The following FAM167A variants were observed in gnomAD, a reference collection of about 807,000 sequenced individuals.
FAM167A encodes family with sequence similarity 167 member A.
In FAM167A, 23 loss-of-function variants were observed where a neutral mutation model predicts 14.9. The ratio of observed to expected loss-of-function variants is 1.55; its 90% confidence interval spans 1.11 to 2.19. The LOEUF is 2.19. Among genes scored for constraint, FAM167A ranks in the 30% most tolerant of loss-of-function variants. FAM167A has a pLI of 0.00. For synonymous variants in FAM167A, 174 were observed against 117.7 expected (o/e 1.48, Z -3.10); for missense variants, 401 against 281.5 (o/e 1.42, Z -3.04).
intron 2 of FAM167A, among the ~76,000 whole-genome samples, chr8:11,441,248 G>A (rs117531540): frequency 0.018 from 2,724 of 152,322 alleles, 34 homozygotes; most frequent in South Asian, 0.061. Context: ...CAGAGCTCCC[G>A]CTTGGGGATC....
chr8:11,450,173 A>T (rs4841538), intron 1 of FAM167A, among the ~76,000 whole-genome samples: 1 of 151,456 alleles, frequency 6.6e-6, no homozygotes, highest in East Asian at 2.0e-4. Flanking sequence ...AAAGCCCTTC[A>T]CTCCCTTCTG....
At chr8:11,455,572 T>TTGTG (rs1807215280) in intron 1 of FAM167A, among the ~76,000 whole-genome samples, 1 of 94,496 alleles carries the variant, frequency 1.1e-5, no homozygotes, top group Non-Finnish European at 2.1e-5. Context: ...TTGCCTTGCT[T>TTGTG]TGAGTTTGAG....
At chr8:11,435,257 C>T (rs1210196826) in intron 2 of FAM167A, among the ~76,000 whole-genome samples, 1 of 152,208 alleles carries the variant, frequency 6.6e-6, no homozygotes, top group African/African-American at 2.4e-5. Flanking sequence ...GCCTTTGTCC[C>T]TCTCCCTGCA....
chr8:11,450,970 G>A (rs368636891), intron 1 of FAM167A, among the ~76,000 whole-genome samples: 1 of 152,214 alleles, frequency 6.6e-6, no homozygotes, highest in African/African-American at 2.4e-5. Flanking sequence ...GGAGTTGGAG[G>A]GGACAGTCTG....
At chr8:11,449,133 G>T (rs1806917026) in intron 1 of FAM167A, among the ~76,000 whole-genome samples, 1 of 152,254 alleles carries the variant, frequency 6.6e-6, no homozygotes. Flanking sequence ...AGACCGCGAG[G>T]AGTTGCTCAA....
At chr8:11,469,492 G>A (rs1055977138), upstream of FAM167A, among the ~76,000 whole-genome samples, 6 of 152,094 alleles carry the variant, frequency 3.9e-5, no homozygotes, top group Non-Finnish European at 5.9e-5. Flanking sequence ...TCCTTACAGA[G>A]AAGTTTTCTT....
At position 11,423,641 on chromosome 8, in the gene FAM167A, T is replaced by G. The variant is rs1279175968; in HGVS notation, c.*732A>C. 2.0e-5 allele frequency: 3 copies of G among 152,268 alleles called. No individual in the cohort carries two copies. Among genetic ancestry groups the G allele is most frequent in the Non-Finnish European group, 2.9e-5 (2 of 68,100 alleles). 9.4% of individuals were successfully genotyped at this position (152,268 alleles called of 1,614,324 possible). On this transcript the variant is annotated 3_prime_UTR_variant, in exon 3 of 3. Coordinates refer to ENST00000284486, the MANE Select transcript of FAM167A (RefSeq NM_053279.3). The stretch of plus-strand genomic sequence containing the variant: ...GGGGTGTGGGTGGCAGTGAAGAGGC[T>G]CTTTGGAGATGCATGTGGCCAGGGG...
intron 2 of FAM167A, chr8:11,434,082 C>G (rs949803987): frequency 2.0e-5 from 3 of 152,196 alleles, no homozygotes; most frequent in Non-Finnish European, 4.4e-5. Flanking sequence ...TGAAGGGCAA[C>G]TGGAGGTTCC....
chr8:11,438,784 G>A lies in FAM167A; in HGVS notation c.381+5247C>T, dbSNP rs145252717. ...GTGCCAGACAGGCTGAAAGCACCGG[G>A]CTATGCAGAGAAGACTTAGCCTTGG... is the stretch of plus-strand genomic sequence containing the variant. On this transcript the variant is annotated intron_variant, in intron 2 of 2. Coordinates refer to ENST00000284486, the MANE Select transcript of FAM167A (RefSeq NM_053279.3). The A allele has an allele frequency of 1.4e-3, 456 of 332,892 alleles. 3 individuals are homozygous for A. The highest frequency in any genetic ancestry group is 9.2e-3 in the African/African-American group (426 of 46,270). 20.6% of individuals were successfully genotyped at this position (332,892 alleles called of 1,614,324 possible).
chr8:11,463,006 G>A (rs1807599159), intron 1 of FAM167A, among the ~76,000 whole-genome samples: 1 of 152,210 alleles, frequency 6.6e-6, no homozygotes, highest in Admixed American at 6.5e-5. Flanking sequence ...GGGAGGTGTG[G>A]TCAGGGCAGC....
rs900066377 is a variant in FAM167A at position 11,421,630 on chromosome 8, T to A, written c.*2743A>T. 5.5e-5 allele frequency: 22 copies of A among 398,686 alleles called. No individual in the cohort carries two copies. The East Asian group carries it at 7.8e-4, about 14-fold the overall frequency. 24.7% of individuals were successfully genotyped at this position (398,686 alleles called of 1,614,324 possible). On this transcript the variant is annotated 3_prime_UTR_variant, in exon 3 of 3. Transcript: ENST00000284486. Reference sequence around the variant, plus strand: ...TTGCTACAGGGTGTGGGTCTTGAACTCGGTCAGGCATCGTCAAGCCTGCCC... The same window carrying A: ...TTGCTACAGGGTGTGGGTCTTGAACACGGTCAGGCATCGTCAAGCCTGCCC...
chr8:11,438,239 C>T (rs756769269), intron 2 of FAM167A: 1 of 422,128 alleles, frequency 2.4e-6, no homozygotes, highest in African/African-American at 2.0e-5. Flanking sequence ...GATCCTCCAA[C>T]TCCCTTCTCC....
At chr8:11,435,881 C>A (rs4841531) in intron 2 of FAM167A, among the ~76,000 whole-genome samples, 1 of 152,138 alleles carries the variant, frequency 6.6e-6, no homozygotes, top group Non-Finnish European at 1.5e-5. Context: ...TACAGGACAT[C>A]GAGTTCCGGA....
intron 1 of FAM167A, among the ~76,000 whole-genome samples, chr8:11,455,502 G>A: frequency 6.9e-6 from 1 of 145,282 alleles, no homozygotes; most frequent in Non-Finnish European, 1.5e-5. Flanking sequence ...ATGGGTGTGT[G>A]AGTGTGAGTG....
intron 1 of FAM167A, among the ~76,000 whole-genome samples, chr8:11,454,104 G>A (rs1460474507): frequency 3.9e-5 from 6 of 152,202 alleles, no homozygotes; most frequent in Non-Finnish European, 7.3e-5. Flanking sequence ...GGCCCTGCAG[G>A]ATCCTCAGCA....
upstream of FAM167A, among the ~76,000 whole-genome samples, chr8:11,467,309 G>C (rs957604043): frequency 6.6e-6 from 1 of 152,268 alleles, no homozygotes; most frequent in Admixed American, 6.5e-5. Context: ...CCAGGGGCGC[G>C]GCATCGGCCA....
chr8:11,436,546 T>C (rs1806030222), intron 2 of FAM167A, among the ~76,000 whole-genome samples: 1 of 152,302 alleles, frequency 6.6e-6, no homozygotes, highest in African/African-American at 2.4e-5. Flanking sequence ...TAGCAGGGGC[T>C]GTCTCCCTGC....
chr8:11,459,521 G>A (rs562933936), intron 1 of FAM167A, among the ~76,000 whole-genome samples: 2 of 152,242 alleles, frequency 1.3e-5, no homozygotes, highest in South Asian at 2.1e-4. Flanking sequence ...TCGGTCTGCA[G>A]TGCCAAGCAC....
At chr8:11,439,760 A>G (rs1226843933) in intron 2 of FAM167A, among the ~76,000 whole-genome samples, 1 of 152,188 alleles carries the variant, frequency 6.6e-6, no homozygotes, top group Non-Finnish European at 1.5e-5. Flanking sequence ...GGCACTGCAT[A>G]AACCACGTGG....
Sources: gnomAD v4.1 joint callset for allele counts (sites outside exome capture counted in the v4.1 genomes callset) on GRCh38, gnomAD v4.1.1 for gene constraint, MANE v1.5 for transcripts, NCBI Gene and HGNC (gene_info 2026-07-23, HGNC 2026-07-21) for gene names.